The following TRIM24 variants were observed in gnomAD, a reference collection of about 807,000 sequenced individuals.
The protein encoded by TRIM24 is tripartite motif containing 24.
In TRIM24, 29 loss-of-function variants were observed where a neutral mutation model predicts 123.9. That is an observed-to-expected ratio of 0.23 (90% confidence interval 0.17 to 0.32). The LOEUF is 0.32. Among genes scored for constraint, TRIM24 ranks in the 10% least tolerant of loss-of-function variants. The pLI, the probability that TRIM24 is intolerant of heterozygous loss-of-function variation, is 1.00. For synonymous variants in TRIM24, 456 were observed against 461.1 expected (o/e 0.99, Z 0.14); for missense variants, 932 against 1,295.3 (o/e 0.72, Z 4.31).
At chr7:138,537,136 G>A (rs1226180713) in intron 6 of TRIM24, among the ~76,000 whole-genome samples, 3 of 152,134 alleles carry the variant, frequency 2.0e-5, no homozygotes. Flanking sequence ...GGTTAGGAAA[G>A]GGAATTCCCT....
intron 3 of TRIM24, among the ~76,000 whole-genome samples, chr7:138,518,567 T>C (rs1289319463): frequency 1.3e-5 from 2 of 152,232 alleles, no homozygotes; most frequent in Non-Finnish European, 2.9e-5. Context: ...ATGGGTATTC[T>C]CTGTTAGGAT....
Position 138,585,395 on chromosome 7 carries a change from T to G in TRIM24, c.*444T>G, listed in dbSNP as rs879642540. 1.1e-4 allele frequency: 25 copies of G among 233,850 alleles called. No individual in the cohort carries two copies. Among genetic ancestry groups the G allele is most frequent in the Non-Finnish European group, 1.5e-4 (18 of 119,490 alleles). 14.5% of individuals were successfully genotyped at this position (233,850 alleles called of 1,614,324 possible). On this transcript the variant is annotated 3_prime_UTR_variant, in exon 19 of 19. Transcript: ENST00000343526. ...AGAAATTAATACCACTACCCGTGAA[T>G]TATATGGCCTGACAATATGAATTAG... is the stretch of plus-strand genomic sequence containing the variant.
intron 7 of TRIM24, among the ~76,000 whole-genome samples, chr7:138,548,549 G>A (rs1232493726): frequency 6.6e-6 from 1 of 152,140 alleles, no homozygotes; most frequent in Admixed American, 6.5e-5. Context: ...GGACATTACT[G>A]TACACTACTG....
intron 15 of TRIM24, among the ~76,000 whole-genome samples, chr7:138,579,939 A>T (rs1183276319): frequency 6.6e-6 from 1 of 151,690 alleles, no homozygotes; most frequent in Non-Finnish European, 1.5e-5. Flanking sequence ...TTACAAAAAG[A>T]AAAAAAAATA....
intron 11 of TRIM24, 139 bp downstream of exon 11, chr7:138,571,142 C>T (rs913181884): frequency 1.2e-6 from 1 of 826,730 alleles, no homozygotes; most frequent in Admixed American, 2.4e-5. Flanking sequence ...CTAGCCTGGC[C>T]AACATGGTGA....
intron 1 of TRIM24, among the ~76,000 whole-genome samples, chr7:138,482,401 G>A (rs1795548910): frequency 6.6e-6 from 1 of 152,034 alleles, no homozygotes; most frequent in African/African-American, 2.4e-5. Context: ...AACATGATAG[G>A]CTATTGGGAT....
At chr7:138,465,060 T>C (rs1795106128) in intron 1 of TRIM24, among the ~76,000 whole-genome samples, 1 of 152,212 alleles carries the variant, frequency 6.6e-6, no homozygotes. Context: ...GTAAACATAA[T>C]GTTTGAACTG....
intron 4 of TRIM24, among the ~76,000 whole-genome samples, chr7:138,522,767 G>C (rs914369728): frequency 6.6e-6 from 1 of 152,082 alleles, no homozygotes; most frequent in Non-Finnish European, 1.5e-5. Flanking sequence ...TGATTAATCT[G>C]TATAAGGAGA....
At chr7:138,470,207 TG>T (rs1481707581) in intron 1 of TRIM24, among the ~76,000 whole-genome samples, 1 of 142,824 alleles carries the variant, frequency 7.0e-6, no homozygotes, top group East Asian at 2.2e-4. Context: ...CTTGGCTCAC[TG>T]CAACCTCTGC....
intron 1 of TRIM24, among the ~76,000 whole-genome samples, chr7:138,489,540 C>G (rs185101936): frequency 1.3e-5 from 2 of 152,208 alleles, no homozygotes; most frequent in Admixed American, 1.3e-4. Context: ...TAAGGCAGGC[C>G]TGGTGGTGAC....
intron 1 of TRIM24, among the ~76,000 whole-genome samples, chr7:138,469,196 G>A (rs532177618): frequency 4.3e-4 from 66 of 152,210 alleles, no homozygotes; most frequent in African/African-American, 1.6e-3. Context: ...ATACCCAAAT[G>A]TGGGTAATTT....
In TRIM24 at chr7:138,570,883, T is replaced by G. The variant is rs1472048860; in HGVS notation, c.1758T>G (p.Ser586=). The change falls in exon 11 of 19, where the codon TCT becomes TCG. Residue 586 remains serine (S), a synonymous_variant. Coordinates refer to ENST00000343526, the MANE Select transcript of TRIM24 (RefSeq NM_015905.3). ...CATCAACTACCAACAGCACATCCTC[T>G]ACTCCTTCCAGCCCCACGATTACTA... ...GTPSTTNSTS[S]TPSSPTITSA... 1 of 1,614,176 alleles carries G rather than the reference T, an allele frequency of 6.2e-7. No individual in the cohort carries two copies. The highest frequency in any genetic ancestry group is 8.5e-7 in the Non-Finnish European group (1 of 1,180,028).
At chr7:138,462,632 G>A (rs545569577) in intron 1 of TRIM24, among the ~76,000 whole-genome samples, 45 of 152,090 alleles carry the variant, frequency 3.0e-4, no homozygotes, top group African/African-American at 1.1e-3. Context: ...GAGCCACCGC[G>A]CCCGGCCAAA....
At chr7:138,537,383 T>TTG (rs1563051830) in intron 6 of TRIM24, among the ~76,000 whole-genome samples, 4 of 122,884 alleles carry the variant, frequency 3.3e-5, no homozygotes, top group East Asian at 4.2e-4. Flanking sequence ...CTGTTTGTTT[T>TTG]TTTTTTTTTT....
intron 1 of TRIM24, among the ~76,000 whole-genome samples, chr7:138,473,652 T>A (rs761017488): frequency 6.6e-6 from 1 of 152,204 alleles, no homozygotes; most frequent in Non-Finnish European, 1.5e-5. Flanking sequence ...TACAAAATGG[T>A]TTTTCTATCA....
At chr7:138,560,436 AACATGT>A (rs764818107) in intron 9 of TRIM24, among the ~76,000 whole-genome samples, 5 of 152,216 alleles carry the variant, frequency 3.3e-5, no homozygotes, top group Non-Finnish European at 7.3e-5. Flanking sequence ...GACAAGCACT[AACATGT>A]ACGGATAGCC....
rs559388546 is a variant in TRIM24 at position 138,561,034 on chromosome 7, G to A, written c.1530+6068G>A. ...CTCGTACTTTATTTCTTTGCCCCCAGCAGTTAAGGGTCCTCTTTCCTTATA... is the reference window on the plus strand; with the variant it reads ...CTCGTACTTTATTTCTTTGCCCCCAACAGTTAAGGGTCCTCTTTCCTTATA... On this transcript the variant is annotated intron_variant, in intron 9 of 18. Coordinates refer to ENST00000343526, the MANE Select transcript of TRIM24 (RefSeq NM_015905.3). 5.3e-5 allele frequency among the ~76,000 whole-genome samples: 8 copies of A among 152,278 alleles called. No homozygotes were observed. In the South Asian group the frequency reaches 1.7e-3, roughly 32 times the overall value.
chr7:138,588,395 T>C lies in TRIM24; in HGVS notation c.*3444T>C, dbSNP rs1189038393. ...AATGAGAGAAATTGAGTGATCTGATTGGCCATTAAAATTATGGTGAATGGG... is the reference window on the plus strand; with the variant it reads ...AATGAGAGAAATTGAGTGATCTGATCGGCCATTAAAATTATGGTGAATGGG... On this transcript the variant is annotated 3_prime_UTR_variant, in exon 19 of 19. Coordinates refer to ENST00000343526, the MANE Select transcript of TRIM24 (RefSeq NM_015905.3). The C allele has an allele frequency of 1.3e-5, 2 of 152,264 alleles. No homozygotes were observed. Among genetic ancestry groups the C allele is most frequent in the Admixed American group, 1.3e-4 (2 of 15,284 alleles). 9.4% of individuals were successfully genotyped at this position (152,264 alleles called of 1,614,324 possible). A position where few individuals can be genotyped will look rare whatever the true frequency, so the allele number is the denominator to read the frequency against.
intron 1 of TRIM24, among the ~76,000 whole-genome samples, chr7:138,473,820 C>A (rs1006834497): frequency 6.6e-6 from 1 of 152,138 alleles, no homozygotes; most frequent in Non-Finnish European, 1.5e-5. Flanking sequence ...CAATAGAAAC[C>A]TCTTAAAGTT....
Sources: allele counts gnomAD v4.1 joint callset (sites outside exome capture counted in the v4.1 genomes callset), GRCh38; gene constraint gnomAD v4.1.1; transcripts MANE v1.5; gene names NCBI Gene and HGNC (gene_info 2026-07-23, HGNC 2026-07-21).